The following BANP variants were observed in gnomAD, a reference collection of about 807,000 sequenced individuals.
BANP encodes protein BANP.
BANP carries 11 observed loss-of-function variants against 68.1 expected under a neutral mutation model. The observed-to-expected ratio is 0.16, with a 90% CI of 0.10 to 0.27. The LOEUF (loss-of-function observed/expected upper bound fraction) is 0.27. BANP is among the 10% of genes least tolerant of loss of function. The pLI, the probability that BANP is intolerant of heterozygous loss-of-function variation, is 1.00. For missense variants in BANP, 504 were observed against 722.7 expected, an observed-to-expected ratio of 0.70 and a Z score of 3.47; for synonymous variants, 329 against 303.2, an observed-to-expected ratio of 1.09 and a Z score of -0.88.
rs144692508 is a variant in BANP, at chr16:88,048,494, C to T, written c.1311+10483C>T. Among the ~76,000 whole-genome samples, 496 of 150,806 alleles carry T rather than the reference C, an allele frequency of 3.3e-3. 4 individuals are homozygous for T. Among genetic ancestry groups the T allele is most frequent in the African/African-American group, 0.012 (475 of 41,032 alleles). On this transcript the variant is annotated intron_variant, in intron 11 of 13. Transcript: ENST00000682872. ...TCGATTCTAACAGTATTCTCGGTAT[C>T]GAGTCGGCGCTCACCACGGATTAAA...
intron 7 of BANP, among the ~76,000 whole-genome samples, chr16:88,021,767 T>C (rs2076072509): frequency 6.6e-6 from 1 of 152,230 alleles, no homozygotes; most frequent in South Asian, 2.1e-4. Context: ...TGCTGTTGCT[T>C]CAGAGCCCGC....
At chr16:88,009,550 G>A (rs531315624) in intron 6 of BANP, among the ~76,000 whole-genome samples, 7 of 152,222 alleles carry the variant, frequency 4.6e-5, no homozygotes, top group Non-Finnish European at 8.8e-5. Flanking sequence ...AGGTAATTCC[G>A]TTTGTCATTA....
In BANP at chr16:88,033,132, C is replaced by A; in HGVS notation, c.1087C>A (p.Pro363Thr). 1 of 1,608,698 alleles carries A rather than the reference C, an allele frequency of 6.2e-7. No individual in the cohort carries two copies. The highest frequency in any genetic ancestry group is 8.5e-7 in the Non-Finnish European group (1 of 1,176,030). The change falls in exon 9 of 14, where the codon CCT becomes ACT. Residue 363 changes from proline (P) to threonine (T), a missense_variant. Coordinates refer to ENST00000682872, the MANE Select transcript of BANP (RefSeq NM_001386991.1). ...PSEPMMSTPPPASELPQPQPQ... is the reference protein window; with the variant it reads ...PSEPMMSTPPTASELPQPQPQ... ...AGAGCCGATGATGAGCACCCCACCT[C>A]CTGCCAGCGAGCTCCCGCAGCCACA...
intron 11 of BANP, among the ~76,000 whole-genome samples, chr16:88,041,847 G>A (rs1336850808): frequency 6.6e-6 from 1 of 152,270 alleles, no homozygotes; most frequent in East Asian, 1.9e-4. Flanking sequence ...CTGCACTAAG[G>A]AATGCTGATT....
In BANP at chr16:88,004,629, C is replaced by T. The variant is rs894635102; in HGVS notation, c.479+218C>T. Among the ~76,000 whole-genome samples the T allele has an allele frequency of 3.3e-5, 5 of 152,166 alleles. No individual in the cohort carries two copies. Among genetic ancestry groups the T allele is most frequent in the African/African-American group, 1.2e-4 (5 of 41,436 alleles). ...CCAGCCACACCAGGGGCAGCTGCCG[C>T]CGGGGACTTCTGTGTCTCGTGCTGG... On this transcript the variant is annotated intron_variant, in intron 5 of 13. Transcript: ENST00000682872. The surrounding 1 kb of genome is among the most constrained non-coding windows in gnomAD (Gnocchi z 7.0).
rs950520551 is a variant in BANP, at chr16:88,064,637, C to G, written c.1312-630C>G. ...CCCCGAGGAGGCCTGGGGACCCCTC[C>G]TGGACATGCCTTCCTCCCTTAAAAA... On this transcript the variant is annotated intron_variant, in intron 11 of 13. Coordinates refer to ENST00000682872, the MANE Select transcript of BANP (RefSeq NM_001386991.1). This position sits in a 1 kb window ranked among gnomAD's most constrained non-coding sequence, Gnocchi z 4.5. 2.6e-5 allele frequency among the ~76,000 whole-genome samples: 4 copies of G among 152,240 alleles called. No homozygotes were observed. The highest frequency in any genetic ancestry group is 4.4e-5 in the Non-Finnish European group (3 of 68,032).
chr16:88,009,170 G>A (rs1211942246), intron 6 of BANP, among the ~76,000 whole-genome samples: 4 of 152,216 alleles, frequency 2.6e-5, no homozygotes, highest in Non-Finnish European at 5.9e-5. Context: ...CGAATGTGCC[G>A]AGAATGGGGC....
intron 11 of BANP, among the ~76,000 whole-genome samples, chr16:88,046,641 G>T (rs1028314735): frequency 1.3e-5 from 2 of 151,924 alleles, no homozygotes; most frequent in Admixed American, 1.3e-4. Context: ...CGTCTCCCAG[G>T]TTCAGGCGAT....
chr16:88,009,501 C>T (rs1006013631), intron 6 of BANP, among the ~76,000 whole-genome samples: 2 of 152,196 alleles, frequency 1.3e-5, no homozygotes, highest in East Asian at 1.9e-4. Flanking sequence ...TATTGTACTG[C>T]AAAGATACCA....
At position 87,975,096 on chromosome 16, in the gene BANP, G is replaced by C; in HGVS notation, c.-20G>C. 1 of 1,589,492 alleles carries C rather than the reference G, an allele frequency of 6.3e-7. No individual in the cohort carries two copies. The highest frequency in any genetic ancestry group is 8.6e-7 in the Non-Finnish European group (1 of 1,162,850). ...TGAGTTGAACTCTTTCGTGTTGACC[G>C]GCCACTCTCCGTGCTCTGGATGATG... On this transcript the variant is annotated 5_prime_UTR_variant, in exon 2 of 14. Transcript: ENST00000682872.
intron 11 of BANP, among the ~76,000 whole-genome samples, chr16:88,063,615 G>T (rs1244466911): frequency 2.6e-5 from 4 of 152,110 alleles, no homozygotes; most frequent in Non-Finnish European, 4.4e-5. Flanking sequence ...CTTGATAGAC[G>T]AGTTTCAGAT....
At position 88,004,183 on chromosome 16, in the gene BANP, C is replaced by A. The variant is rs369579591; in HGVS notation, c.363-112C>A. 4.8e-5 allele frequency: 35 copies of A among 727,470 alleles called. 1 individual carries two copies. The highest frequency in any genetic ancestry group is 2.3e-4 in the Middle Eastern group (1 of 4,356). The allele number at this position is 727,470 out of a possible 1,614,324, so 45.1% of individuals were successfully genotyped here. On this transcript the variant is annotated intron_variant, in intron 4 of 13. Transcript: ENST00000682872. This position sits in a 1 kb window ranked among gnomAD's most constrained non-coding sequence, Gnocchi z 7.0. ...ATGTTGAATGACTCTTAGGCCTCCC[C>A]CTCAGTGCGGGTCCCTGGGAGTGGA...
intron 1 of BANP, 60 bp downstream of exon 1, chr16:87,951,575 C>G (rs1377421590): frequency 6.6e-6 from 1 of 152,048 alleles, no homozygotes; most frequent in Non-Finnish European, 1.5e-5. Context: ...GGGGCGAGAG[C>G]GAGAGCGAGA....
At position 88,018,440 on chromosome 16, in the gene BANP, A is replaced by G. The variant is rs368840966; in HGVS notation, c.668A>G (p.Asn223Ser). The change falls in exon 7 of 14, where the codon AAT becomes AGT. Residue 223 changes from asparagine to serine, a missense_variant. Coordinates refer to ENST00000682872, the MANE Select transcript of BANP (RefSeq NM_001386991.1). The surrounding 1 kb of genome is among the most constrained non-coding windows in gnomAD (Gnocchi z 7.7). ...ITLNSEEDYPNGTWLGDENNP... is the reference protein window; with the variant it reads ...ITLNSEEDYPSGTWLGDENNP... ...TTCTGTTTTTCAGAGGACTACCCCA[A>G]TGGCACCTGGCTGGGCGACGAGAAC... 3.7e-6 allele frequency: 6 copies of G among 1,612,124 alleles called. No individual in the cohort carries two copies. Among genetic ancestry groups the G allele is most frequent in the East Asian group, 2.2e-5 (1 of 44,842 alleles).
At chr16:87,961,876 A>G (rs2059221494) in intron 1 of BANP, among the ~76,000 whole-genome samples, 1 of 152,128 alleles carries the variant, frequency 6.6e-6, no homozygotes, top group African/African-American at 2.4e-5. Flanking sequence ...TCATATCCCC[A>G]CCAGCAGGAA....
chr16:88,002,295 A>G lies in BANP; in HGVS notation c.363-2000A>G, dbSNP rs955024651. On this transcript the variant is annotated intron_variant, in intron 4 of 13. Transcript: ENST00000682872. The surrounding 1 kb of genome is among the most constrained non-coding windows in gnomAD (Gnocchi z 4.6). ...CTGTCCTCAGAAACTGTTTTTGATG[A>G]TCTCTGTCTATTTTGTTGAAAGCAA... Among the ~76,000 whole-genome samples, 1 of 151,582 alleles carries G rather than the reference A, an allele frequency of 6.6e-6. No individual in the cohort carries two copies. The highest frequency in any genetic ancestry group is 2.4e-5 in the African/African-American group (1 of 41,240).
At chr16:87,974,054 T>G (rs983983529) in intron 1 of BANP, among the ~76,000 whole-genome samples, 28 of 152,328 alleles carry the variant, frequency 1.8e-4, no homozygotes, top group African/African-American at 6.7e-4. Flanking sequence ...TGTACAGAGC[T>G]GGGCACAGGG....
intron 4 of BANP, among the ~76,000 whole-genome samples, chr16:87,986,225 C>T (rs1307232258): frequency 2.6e-5 from 4 of 152,198 alleles, no homozygotes; most frequent in South Asian, 2.1e-4. Flanking sequence ...CTCCTGTCCC[C>T]GGAGCCTTGC....
At chr16:88,045,461 G>C (rs2152802403) in intron 11 of BANP, among the ~76,000 whole-genome samples, 1 of 152,382 alleles carries the variant, frequency 6.6e-6, no homozygotes, top group East Asian at 1.9e-4. Flanking sequence ...AGCAGGAGCA[G>C]CCCTTGGGGG....
Sources: gnomAD v4.1 joint callset for allele counts (sites outside exome capture counted in the v4.1 genomes callset) on GRCh38, gnomAD v4.1.1 for gene constraint, Gnocchi (gnomAD v3.1) non-coding constraint, MANE v1.5 for transcripts, NCBI Gene and HGNC (gene_info 2026-07-23, HGNC 2026-07-21) for gene names.